The following KCNJ18 variants were observed in gnomAD, a reference collection of about 807,000 sequenced individuals.
KCNJ18 encodes the protein inward rectifier potassium channel 18.
In KCNJ18, 16 loss-of-function variants were observed where a neutral mutation model predicts 17.3. The observed-to-expected ratio is 0.92, with a 90% CI of 0.62 to 1.40. The LOEUF (loss-of-function observed/expected upper bound fraction) is 1.40. Among genes scored for constraint, KCNJ18 ranks in the 40% most tolerant of loss-of-function variants. KCNJ18 has a pLI of 0.00. For missense variants in KCNJ18, 462 were observed against 626.8 expected, an observed-to-expected ratio of 0.74 and a Z score of 2.81; for synonymous variants, 185 against 262.6, an observed-to-expected ratio of 0.70 and a Z score of 2.86.
chr17:21,703,053 G>A lies in KCNJ18; in HGVS notation c.267G>A (p.Leu89=). ...GCTACATGCTGCTCATCTTCTCGCT[G>A]GCCTTCCTTGCCTCCTGGCTGCTGT... is the stretch of plus-strand genomic sequence containing the variant. ...RWRYMLLIFS[L]AFLASWLLFG... The change falls in exon 3 of 3, where the codon CTG becomes CTA. Residue 89 remains leucine, a synonymous_variant. Transcript: ENST00000567955. The A allele has an allele frequency of 6.2e-7, 1 of 1,613,180 alleles. No individual in the cohort carries two copies. The highest frequency in any genetic ancestry group is 8.5e-7 in the Non-Finnish European group (1 of 1,179,838).
chr17:21,704,341 A>AC lies in KCNJ18; in HGVS notation c.*254dup, dbSNP rs1311716747. ...AAGTGGCCTCCTGGGGGGCCAGGCC[A>AC]CGGGGGCCAGGGCTTCTGCCTGAAG... On this transcript the variant is annotated 3_prime_UTR_variant, in exon 3 of 3. Transcript: ENST00000567955. The AC allele has an allele frequency of 2.0e-6, 1 of 496,110 alleles. No individual in the cohort carries two copies. The highest frequency in any genetic ancestry group is 1.9e-5 in the African/African-American group (1 of 51,742). 30.7% of individuals were successfully genotyped at this position (496,110 alleles called of 1,614,324 possible).
At chr17:21,693,076 GC>G (rs1905650218) in intron 1 of KCNJ18, among the ~76,000 whole-genome samples, 1 of 152,312 alleles carries the variant, frequency 6.6e-6, no homozygotes, top group Non-Finnish European at 1.5e-5. Flanking sequence ...GGGAAGCACT[GC>G]CCCTGCAGCC....
At chr17:21,696,911 T>C (rs1905775429) in intron 2 of KCNJ18, among the ~76,000 whole-genome samples, 1 of 151,620 alleles carries the variant, frequency 6.6e-6, no homozygotes, top group Admixed American at 6.6e-5. Context: ...TCCTGGGAGG[T>C]GATCCCAGGA....
intron 2 of KCNJ18, among the ~76,000 whole-genome samples, chr17:21,696,503 G>A (rs1905763666): frequency 1.3e-5 from 2 of 152,274 alleles, no homozygotes; most frequent in South Asian, 2.1e-4. Context: ...CCATTCAGCT[G>A]CTTAGTCCTT....
Position 21,704,018 on chromosome 17 carries a change from A to T in KCNJ18, c.1232A>T (p.Asp411Val). The T allele has an allele frequency of 6.3e-7, 1 of 1,587,918 alleles. No individual in the cohort carries two copies. The highest frequency in any genetic ancestry group is 8.6e-7 in the Non-Finnish European group (1 of 1,167,340). ...GGCCTCAGCCCCCAGGCCAGGCATGACTTTGACAGACTCCAGGCTGGCGGC... is the reference window on the plus strand; with the variant it reads ...GGCCTCAGCCCCCAGGCCAGGCATGTCTTTGACAGACTCCAGGCTGGCGGC... ...RDGLSPQARH[D>V]FDRLQAGGGV... Residue 411 changes from aspartate (D) to valine (V), a missense_variant, in exon 3 of 3, where the codon GAC (aspartate) becomes GTC (valine). Transcript: ENST00000567955.
At chr17:21,699,264 A>C (rs1443707606) in intron 2 of KCNJ18, among the ~76,000 whole-genome samples, 1 of 152,096 alleles carries the variant, frequency 6.6e-6, no homozygotes, top group African/African-American at 2.4e-5. Context: ...CTGGTGGAGG[A>C]TATTGTCCTA....
chr17:21,702,175 T>G (rs2142271958), intron 2 of KCNJ18, among the ~76,000 whole-genome samples: 1 of 151,932 alleles, frequency 6.6e-6, no homozygotes, highest in African/African-American at 2.4e-5. Context: ...CAGGGTGGGT[T>G]TGAGGGACAG....
rs1158454961 is a variant in KCNJ18 at position 21,694,579 on chromosome 17, C to A, written c.-178-1404C>A. 1.0e-4 allele frequency among the ~76,000 whole-genome samples: 15 copies of A among 150,650 alleles called. No individual in the cohort carries two copies. The South Asian group carries it at 1.0e-3, about 10-fold the overall frequency. ...CATCACCCACCCTCACACTCATCCACCCATCCATCTATCCATCTACCCACC... is the reference window on the plus strand; with the variant it reads ...CATCACCCACCCTCACACTCATCCAACCATCCATCTATCCATCTACCCACC... On this transcript the variant is annotated intron_variant, in intron 1 of 2. Transcript: ENST00000567955.
intron 1 of KCNJ18, among the ~76,000 whole-genome samples, chr17:21,693,360 G>T (rs1260385761): frequency 6.6e-6 from 1 of 152,308 alleles, no homozygotes; most frequent in East Asian, 1.9e-4. Flanking sequence ...TTGTGGTCTG[G>T]GGAATGCCCC....
chr17:21,703,189 C>T lies in KCNJ18; in HGVS notation c.403C>T (p.Leu135Phe). 1.2e-6 allele frequency: 2 copies of T among 1,609,594 alleles called. No homozygotes were observed. The highest frequency in any genetic ancestry group is 1.7e-4 in the Middle Eastern group (1 of 6,056). Reference sequence around the variant, plus strand: ...GGTGCACGGCTTCATGGCGGCCTTCCTCTTCTCCATCGAGACGCAGACCAC... The same window carrying T: ...GGTGCACGGCTTCATGGCGGCCTTCTTCTTCTCCATCGAGACGCAGACCAC... ...MQVHGFMAAF[L>F]FSIETQTTIG... The change falls in exon 3 of 3, where the codon CTC becomes TTC. Residue 135 changes from leucine to phenylalanine, a missense_variant. Physicochemically the swap from Leu to Phe is conservative, Grantham distance 22. This residue lies in a region of KCNJ18 where 237 missense variants were observed against 259.4 expected (regional missense o/e 0.91). Coordinates refer to ENST00000567955, the MANE Select transcript of KCNJ18 (RefSeq NM_001194958.2).
At chr17:21,696,441 T>G (rs1490767715) in intron 2 of KCNJ18, among the ~76,000 whole-genome samples, 2 of 151,818 alleles carry the variant, frequency 1.3e-5, no homozygotes, top group East Asian at 1.9e-4. Context: ...CCCATCTGCC[T>G]GACCACCCAC....
chr17:21,695,709 C>T (rs1428551082), intron 1 of KCNJ18, among the ~76,000 whole-genome samples: 1 of 152,306 alleles, frequency 6.6e-6, no homozygotes, highest in African/African-American at 2.4e-5. Context: ...AAAATGCCTA[C>T]TATAGTGTCT....
chr17:21,698,126 G>T (rs1415956265), intron 2 of KCNJ18, among the ~76,000 whole-genome samples: 10 of 151,906 alleles, frequency 6.6e-5, no homozygotes, highest in African/African-American at 2.4e-4. Context: ...CACCACCTGG[G>T]ATTGCAGGGG....
chr17:21,704,223 T>C lies in KCNJ18; in HGVS notation c.*135T>C, dbSNP rs1490602967. 4.9e-5 allele frequency: 55 copies of C among 1,130,008 alleles called. No individual in the cohort carries two copies. Among genetic ancestry groups the C allele is most frequent in the Admixed American group, 8.9e-5 (3 of 33,772 alleles). 70.0% of individuals were successfully genotyped at this position (1,130,008 alleles called of 1,614,324 possible). A position where few individuals can be genotyped will look rare whatever the true frequency, so the allele number is the denominator to read the frequency against. ...TCAGTAGCGTTTTAGTCGTTTTATGTTTCTTTGCAAAGGCCTCAGAAGGTT... is the reference window on the plus strand; with the variant it reads ...TCAGTAGCGTTTTAGTCGTTTTATGCTTCTTTGCAAAGGCCTCAGAAGGTT... On this transcript the variant is annotated 3_prime_UTR_variant, in exon 3 of 3. Transcript: ENST00000567955.
chr17:21,699,767 G>T (rs1905879300), intron 2 of KCNJ18, among the ~76,000 whole-genome samples: 1 of 152,140 alleles, frequency 6.6e-6, no homozygotes, highest in African/African-American at 2.4e-5. Context: ...CCCAGCCCTG[G>T]CAGAGATGCC....
rs1474229096 is a variant in KCNJ18 at position 21,702,863 on chromosome 17, C to T, written c.77C>T (p.Ser26Leu). 2.1e-5 allele frequency: 34 copies of T among 1,599,376 alleles called. 1 individual carries two copies. The highest frequency in any genetic ancestry group is 2.0e-4 in the South Asian group (18 of 89,882). ...GACGGGCTGCACCTGGTCACCATGT[C>T]GGGCGCCAACGGCTTCGGCAACGGC... ...EEDGLHLVTM[S>L]GANGFGNGKV... The change falls in exon 3 of 3, where the codon TCG (serine) becomes TTG (leucine). Residue 26 changes from serine (S) to leucine (L), a missense_variant. Ser to Leu is a moderately radical substitution (Grantham distance 145). Around this residue, in one of 5 missense-constraint regions of KCNJ18, gnomAD observed 237 missense variants for 259.4 expected, o/e 0.91. Transcript: ENST00000567955.
At chr17:21,702,235 G>A (rs1464094736) in intron 2 of KCNJ18, among the ~76,000 whole-genome samples, 7 of 151,930 alleles carry the variant, frequency 4.6e-5, no homozygotes, top group African/African-American at 1.7e-4. Flanking sequence ...GAGGAGGCTG[G>A]GAGGTGAAGT....
Position 21,704,252 on chromosome 17 carries a change from C to T in KCNJ18, c.*164C>T, listed in dbSNP as rs1305931283. The T allele has an allele frequency of 6.4e-5, 57 of 895,012 alleles. No individual in the cohort carries two copies. Among genetic ancestry groups the T allele is most frequent in the African/African-American group, 4.5e-4 (27 of 59,524 alleles). 55.4% of individuals were successfully genotyped at this position (895,012 alleles called of 1,614,324 possible). A position where few individuals can be genotyped will look rare whatever the true frequency, so the allele number is the denominator to read the frequency against. On this transcript the variant is annotated 3_prime_UTR_variant, in exon 3 of 3. Coordinates refer to ENST00000567955, the MANE Select transcript of KCNJ18 (RefSeq NM_001194958.2). ...TTTGCAAAGGCCTCAGAAGGTTGGC[C>T]GGAGAGGGGGCAGCCAGAGCGGCAG...
chr17:21,693,938 G>A (rs1184354772), intron 1 of KCNJ18, among the ~76,000 whole-genome samples: 2 of 152,176 alleles, frequency 1.3e-5, no homozygotes, highest in African/African-American at 2.4e-5. Flanking sequence ...GGGAAGAAGG[G>A]GCTGGGGATT....
Sources: allele counts gnomAD v4.1 joint callset (sites outside exome capture counted in the v4.1 genomes callset), GRCh38; gene constraint gnomAD v4.1.1; regional missense constraint gnomAD v4.1.1; transcripts MANE v1.5; gene names NCBI Gene and HGNC (gene_info 2026-07-23, HGNC 2026-07-21).